ROBO2: variants seen among roughly 807,000 people sequenced by gnomAD.
ROBO2 encodes roundabout guidance receptor 2, also known as roundabout homolog 2.
Under a neutral mutation model 160.8 loss-of-function variants are expected in ROBO2, and 53 were observed. That is an observed-to-expected ratio of 0.33 (90% CI 0.26 to 0.41). The LOEUF is 0.41. Ranked by LOEUF, ROBO2 falls within the 10% of genes least tolerant of loss-of-function variation. ROBO2 has a pLI of 1.00. For synonymous variants in ROBO2, 664 were observed against 611.7 expected, an observed-to-expected ratio of 1.09 and a Z score of -1.26; for missense variants, 1,577 against 1,722.4, an observed-to-expected ratio of 0.92 and a Z score of 1.49.
intron 1 of ROBO2, among the ~76,000 whole-genome samples, chr3:75,920,654 T>C (rs561254913): frequency 6.6e-6 from 1 of 152,312 alleles, no homozygotes; most frequent in Admixed American, 6.5e-5. Context: ...TATTATTGTG[T>C]GGGAGTCTAA....
intron 2 of ROBO2, among the ~76,000 whole-genome samples, chr3:77,327,318 C>T (rs2065498938): frequency 2.0e-5 from 3 of 152,098 alleles, no homozygotes; most frequent in Admixed American, 1.3e-4. Flanking sequence ...AAATTTATTT[C>T]GTTCACAGTG....
intron 2 of ROBO2, among the ~76,000 whole-genome samples, chr3:76,627,578 A>G (rs1224417330): frequency 6.6e-6 from 1 of 152,254 alleles, no homozygotes. Context: ...AACTGTTAAT[A>G]CATAGCTAAG....
intron 2 of ROBO2, among the ~76,000 whole-genome samples, chr3:76,095,789 A>C (rs1486997746): frequency 1.4e-5 from 2 of 144,814 alleles, no homozygotes; most frequent in African/African-American, 2.6e-5. Context: ...CACACACACA[A>C]GATAATCATC....
At chr3:77,344,243 T>G (rs926798161) in intron 2 of ROBO2, among the ~76,000 whole-genome samples, 1 of 152,198 alleles carries the variant, frequency 6.6e-6, no homozygotes, top group Non-Finnish European at 1.5e-5. Context: ...CAGAACAGCT[T>G]CTTTCATATA....
chr3:77,292,646 G>C (rs1159801961), intron 2 of ROBO2, among the ~76,000 whole-genome samples: 1 of 150,988 alleles, frequency 6.6e-6, no homozygotes, highest in Non-Finnish European at 1.5e-5. Context: ...GTTGAGGCTA[G>C]AACAGTAAAG....
At chr3:77,493,125 CAG>C in intron 4 of ROBO2, 117 bp from the exon 5 acceptor site, 1 of 962,870 alleles carries the variant, frequency 1.0e-6, no homozygotes, top group Non-Finnish European at 1.6e-6. Flanking sequence ...AGCTGAGGTA[CAG>C]AGTTAGGTAC....
At chr3:76,277,670 T>A (rs1200258679) in intron 2 of ROBO2, among the ~76,000 whole-genome samples, 1 of 151,976 alleles carries the variant, frequency 6.6e-6, no homozygotes, top group African/African-American at 2.4e-5. Flanking sequence ...AATACAGTCA[T>A]TAAAAATTAG....
intron 2 of ROBO2, among the ~76,000 whole-genome samples, chr3:76,079,269 C>T (rs533772586): frequency 2.7e-4 from 41 of 152,032 alleles, no homozygotes; most frequent in South Asian, 2.5e-3. Context: ...TCATTTATTG[C>T]GTATTTCAAA....
At chr3:77,481,011 A>T in intron 3 of ROBO2, 88 bp from the exon 4 acceptor site, 1 of 1,213,746 alleles carries the variant, frequency 8.2e-7, no homozygotes, top group East Asian at 2.4e-5. Context: ...AATATGCTCA[A>T]ATACTCAAAA....
At chr3:76,523,330 T>C (rs982782468) in intron 2 of ROBO2, among the ~76,000 whole-genome samples, 1 of 152,082 alleles carries the variant, frequency 6.6e-6, no homozygotes, top group Admixed American at 6.6e-5. Flanking sequence ...ACTTTTCCCA[T>C]TCTGTCTTTA....
chr3:77,231,139 C>T (rs1580213058), intron 2 of ROBO2, among the ~76,000 whole-genome samples: 3 of 151,932 alleles, frequency 2.0e-5, no homozygotes, highest in East Asian at 1.9e-4. Flanking sequence ...CCGAGGTGGG[C>T]GGATCATTTG....
chr3:77,388,658 C>T (rs939278246), intron 2 of ROBO2, among the ~76,000 whole-genome samples: 1 of 152,114 alleles, frequency 6.6e-6, no homozygotes, highest in African/African-American at 2.4e-5. Flanking sequence ...TTTATGACTT[C>T]TCTCACAATT....
At chr3:76,720,769 ACT>A (rs2093452435) in intron 2 of ROBO2, among the ~76,000 whole-genome samples, 1 of 152,130 alleles carries the variant, frequency 6.6e-6, no homozygotes, top group Admixed American at 6.5e-5. Context: ...CGATTTGCCC[ACT>A]CTCTTTTGCA....
At chr3:76,549,856 G>A (rs1328358901) in intron 2 of ROBO2, among the ~76,000 whole-genome samples, 1 of 152,152 alleles carries the variant, frequency 6.6e-6, no homozygotes, top group Admixed American at 6.5e-5. Flanking sequence ...TGAGAACTTG[G>A]CCAAATCCTG....
At chr3:77,366,658 A>G (rs2070919760) in intron 2 of ROBO2, among the ~76,000 whole-genome samples, 1 of 152,192 alleles carries the variant, frequency 6.6e-6, no homozygotes. Context: ...CTGTACAAGA[A>G]GCATGATGCC....
chr3:76,449,209 T>C (rs891661903), intron 2 of ROBO2, among the ~76,000 whole-genome samples: 11 of 152,180 alleles, frequency 7.2e-5, no homozygotes, highest in Non-Finnish European at 1.2e-4. Context: ...TGTTATACAG[T>C]ACATGCTGTA....
At chr3:77,236,325 T>A (rs1006510695) in intron 2 of ROBO2, among the ~76,000 whole-genome samples, 2 of 152,192 alleles carry the variant, frequency 1.3e-5, no homozygotes, top group Non-Finnish European at 2.9e-5. Context: ...AGATAAACCC[T>A]CTAGGTTGCA....
intron 2 of ROBO2, among the ~76,000 whole-genome samples, chr3:76,989,937 G>A (rs998883552): frequency 6.6e-6 from 1 of 152,008 alleles, no homozygotes; most frequent in African/African-American, 2.4e-5. Flanking sequence ...ATTCACTTTT[G>A]TTGCTCCTGA....
intron 2 of ROBO2, among the ~76,000 whole-genome samples, chr3:76,515,268 C>A (rs935387766): frequency 6.6e-6 from 1 of 152,056 alleles, no homozygotes; most frequent in Non-Finnish European, 1.5e-5. Flanking sequence ...TACTGCTCAG[C>A]AATCTTTAAA....
Sources: gnomAD v4.1 joint callset for allele counts (sites outside exome capture counted in the v4.1 genomes callset) on GRCh38, gnomAD v4.1.1 for gene constraint, MANE v1.5 for transcripts, NCBI Gene and HGNC (gene_info 2026-07-23, HGNC 2026-07-21) for gene names.